Variants in PCDH15 observed in about 807,000 individuals in gnomAD.
PCDH15 encodes the protein protocadherin related 15.
PCDH15 carries 129 observed loss-of-function variants against 178.5 expected under a neutral mutation model. The ratio of observed to expected loss-of-function variants is 0.72; its 90% CI spans 0.63 to 0.84. The LOEUF is 0.84. Ranked by LOEUF, PCDH15 falls within the 40% of genes least tolerant of loss-of-function variation. The pLI is 0.00. For synonymous variants in PCDH15, 800 were observed against 732.0 expected (o/e 1.09, Z -1.50); for missense variants, 2,230 against 2,099.9 (o/e 1.06, Z -1.21).
intron 25 of PCDH15, among the ~76,000 whole-genome samples, chr10:53,929,409 A>G (rs563635526): frequency 2.0e-4 from 31 of 152,140 alleles, no homozygotes; most frequent in Non-Finnish European, 3.7e-4. Context: ...GTTAATTTTC[A>G]TAAACTCCTC....
chr10:54,204,763 C>T (rs933459933), intron 10 of PCDH15, among the ~76,000 whole-genome samples: 3 of 152,004 alleles, frequency 2.0e-5, no homozygotes, highest in Non-Finnish European at 1.5e-5. Context: ...TATGAAGATA[C>T]GTGAAAATTA....
At chr10:54,173,721 G>GAA (rs2047134532) in intron 13 of PCDH15, among the ~76,000 whole-genome samples, 1 of 152,114 alleles carries the variant, frequency 6.6e-6, no homozygotes. Flanking sequence ...GATAGAAAAA[G>GAA]AAGAAAAGTA....
intron 2 of PCDH15, among the ~76,000 whole-genome samples, chr10:55,359,190 G>C (rs998237653): frequency 2.7e-5 from 4 of 150,752 alleles, no homozygotes; most frequent in African/African-American, 9.7e-5. Context: ...GAGTGAGACT[G>C]TGTTTCAAAA....
intron 15 of PCDH15, among the ~76,000 whole-genome samples, chr10:54,116,850 T>C (rs568333868): frequency 5.9e-5 from 9 of 152,334 alleles, no homozygotes; most frequent in African/African-American, 2.2e-4. Flanking sequence ...TCATTTTACA[T>C]CTTTTGTATT....
chr10:54,839,538 GTATGCAT>G (rs1412880270), intron 3 of PCDH15, among the ~76,000 whole-genome samples: 1 of 152,052 alleles, frequency 6.6e-6, no homozygotes, highest in East Asian at 1.9e-4. Context: ...AGCACACAAA[GTATGCAT>G]TATGAAAGTT....
chr10:55,128,698 A>G (rs1837965753), intron 2 of PCDH15, among the ~76,000 whole-genome samples: 1 of 151,996 alleles, frequency 6.6e-6, no homozygotes, highest in African/African-American at 2.4e-5. Flanking sequence ...TGTGTTCTCC[A>G]TCCAATATTA....
At position 55,544,135 on chromosome 10, in the gene PCDH15, C is replaced by CATATAT. The variant is rs776630410; in HGVS notation, c.-156+83489_-156+83490insATATAT. Among the ~76,000 whole-genome samples the CATATAT allele has an allele frequency of 6.8e-3, 651 of 95,894 alleles. 6 individuals are homozygous for CATATAT. The highest frequency in any genetic ancestry group is 9.6e-3 in the East Asian group (35 of 3,638). The allele number at this position is 95,894 out of a possible 152,430, so 62.9% of individuals were successfully genotyped here. On this transcript the variant is annotated intron_variant, in intron 2 of 5. Transcript: ENST00000613346. ...GCTCCAGTTTTCCTCAAATCTTATACATACATATATATATATATATATATA... is the reference window on the plus strand; with the variant it reads ...GCTCCAGTTTTCCTCAAATCTTATACATATATATACATATATATATATATATATATA...
chr10:55,021,897 C>T (rs1266912181), intron 2 of PCDH15, among the ~76,000 whole-genome samples: 1 of 150,882 alleles, frequency 6.6e-6, no homozygotes, highest in African/African-American at 2.4e-5. Context: ...CCGGAAGAAC[C>T]TGAGGACATC....
chr10:55,123,440 A>C (rs1837822061), intron 2 of PCDH15, among the ~76,000 whole-genome samples: 1 of 152,156 alleles, frequency 6.6e-6, no homozygotes, highest in Non-Finnish European at 1.5e-5. Flanking sequence ...TGATTTTATG[A>C]AAAGGGTTTC....
At chr10:54,780,725 C>T (rs530529068) in intron 1 of PCDH15, among the ~76,000 whole-genome samples, 63 of 101,074 alleles carry the variant, frequency 6.2e-4, no homozygotes, top group African/African-American at 2.3e-3. Context: ...GGTGATAAAG[C>T]AATTGTGTAA....
chr10:54,056,428 G>A (rs937420276), intron 18 of PCDH15, among the ~76,000 whole-genome samples: 1 of 152,160 alleles, frequency 6.6e-6, no homozygotes, highest in Non-Finnish European at 1.5e-5. Context: ...CATGGCAGAA[G>A]GTGAATGAGG....
intron 1 of PCDH15, among the ~76,000 whole-genome samples, chr10:55,168,317 G>T (rs1374603536): frequency 2.0e-5 from 3 of 152,080 alleles, no homozygotes; most frequent in African/African-American, 7.2e-5. Context: ...AACAAATTTG[G>T]AAAACTCTTG....
At chr10:54,751,648 A>G (rs1202255567) in intron 1 of PCDH15, among the ~76,000 whole-genome samples, 1 of 152,216 alleles carries the variant, frequency 6.6e-6, no homozygotes, top group African/African-American at 2.4e-5. Context: ...GTTCAGACTC[A>G]AAAATCACTT....
chr10:54,195,926 T>C lies in PCDH15; in HGVS notation c.1099-37A>G, dbSNP rs1311163422. 5.1e-6 allele frequency: 8 copies of C among 1,568,796 alleles called. No homozygotes were observed. The East Asian group carries it at 1.1e-4, about 22-fold the overall frequency. On this transcript the variant is annotated intron_variant, in intron 10 of 37. Transcript: ENST00000644397. ...AAGAAAAGAAAATATTTAGAAAGTA[T>C]ATGTCGTGCTATCTTTTTGGAGTTT...
At chr10:53,857,378 T>C in intron 27 of PCDH15, 115 bp from the exon 28 acceptor site, 1 of 759,290 alleles carries the variant, frequency 1.3e-6, no homozygotes, top group East Asian at 2.7e-5. Flanking sequence ...TTTCTGATTT[T>C]CAAATTCAGG....
intron 2 of PCDH15, among the ~76,000 whole-genome samples, chr10:55,442,374 T>C (rs2132070201): frequency 6.7e-6 from 1 of 149,406 alleles, no homozygotes; most frequent in South Asian, 2.1e-4. Context: ...GTTCCTTTTT[T>C]TTTTAATTAC....
chr10:55,256,240 G>A (rs898149567), intron 1 of PCDH15, among the ~76,000 whole-genome samples: 4 of 152,156 alleles, frequency 2.6e-5, no homozygotes, highest in African/African-American at 9.7e-5. Context: ...TGTCAGGTTT[G>A]TCAAAGAGAC....
At chr10:54,194,610 A>ACG (rs1554833244) in intron 11 of PCDH15, among the ~76,000 whole-genome samples, 1 of 150,714 alleles carries the variant, frequency 6.6e-6, no homozygotes, top group Non-Finnish European at 1.5e-5. Flanking sequence ...TTTTATATAT[A>ACG]TGTGTGTGTG....
At chr10:55,533,313 T>C (rs1249566204) in intron 2 of PCDH15, among the ~76,000 whole-genome samples, 1 of 152,080 alleles carries the variant, frequency 6.6e-6, no homozygotes, top group Non-Finnish European at 1.5e-5. Context: ...GATGACATTA[T>C]TGCATATCTA....
Sources: gnomAD v4.1 joint callset for allele counts (sites outside exome capture counted in the v4.1 genomes callset) on GRCh38, gnomAD v4.1.1 for gene constraint, MANE v1.5 for transcripts, NCBI Gene and HGNC (gene_info 2026-07-23, HGNC 2026-07-21) for gene names.